IQCN: variants seen among roughly 807,000 people sequenced by gnomAD.
IQCN encodes IQ domain-containing protein N.
A neutral mutation model predicts 64.4 loss-of-function variants in IQCN; 46 were observed. The ratio of observed to expected loss-of-function variants is 0.71; its 90% CI spans 0.56 to 0.91. IQCN has a LOEUF of 0.91. IQCN is among the 40% of genes least tolerant of loss of function. IQCN has a pLI of 0.00. For synonymous variants in IQCN, 733 were observed against 775.6 expected, an observed-to-expected ratio of 0.95 and a Z score of 0.91; for missense variants, 1,753 against 1,857.4, an observed-to-expected ratio of 0.94 and a Z score of 1.03.
At chr19:18,258,399 T>G (rs995843044) in intron 3 of IQCN, 2 of 650,096 alleles carry the variant, frequency 3.1e-6, no homozygotes, top group Non-Finnish European at 2.9e-6. Context: ...TTGCACATAC[T>G]GTAAGGGCCT....
chr19:18,271,518 T>C (rs1969735744), intron 1 of IQCN, among the ~76,000 whole-genome samples: 1 of 150,426 alleles, frequency 6.6e-6, no homozygotes, highest in Non-Finnish European at 1.5e-5. Context: ...ACTTTAGGGC[T>C]GAGGGAGTAT....
At position 18,264,700 on chromosome 19, in the gene IQCN, C is replaced by T. The variant is rs371100161; in HGVS notation, c.2840G>A (p.Arg947His). 2.9e-5 allele frequency: 45 copies of T among 1,551,206 alleles called. No individual in the cohort carries two copies. Among genetic ancestry groups the T allele is most frequent in the African/African-American group, 2.5e-4 (18 of 73,182 alleles). Residue 947 changes from arginine to histidine, a missense_variant, in exon 3 of 4, where the codon CGC becomes CAC. Coordinates refer to ENST00000392413, the MANE Select transcript of IQCN (RefSeq NM_001145304.2). This position sits in a 1 kb window ranked among gnomAD's most constrained non-coding sequence, Gnocchi z 4.3. ...LVKALSWSEL[R>H]LTLSRALSRG... ...GGACAGGGCTCGGGACAGGGTCAGG[C>T]GCAGCTCACTCCAGGACAGCGCCTT...
In IQCN at chr19:18,264,240, G is replaced by C. The variant is rs1263277845; in HGVS notation, c.3177+123C>G. The C allele has an allele frequency of 2.3e-6, 2 of 856,842 alleles. No homozygotes were observed. The highest frequency in any genetic ancestry group is 3.4e-5 in the African/African-American group (2 of 58,634). 53.1% of individuals were successfully genotyped at this position (856,842 alleles called of 1,614,324 possible). ...GCTACCCATCACCGAGGCTCCCACAGTGACCACAGATAAGCAGGGTGACCC... is the reference window on the plus strand; with the variant it reads ...GCTACCCATCACCGAGGCTCCCACACTGACCACAGATAAGCAGGGTGACCC... On this transcript the variant is annotated intron_variant, in intron 3 of 3. Transcript: ENST00000392413. The surrounding 1 kb of genome is among the most constrained non-coding windows in gnomAD (Gnocchi z 4.3).
In IQCN at chr19:18,265,137, G is replaced by T. The variant is rs1449221120; in HGVS notation, c.2403C>A (p.Asp801Glu). 1 of 1,606,450 alleles carries T rather than the reference G, an allele frequency of 6.2e-7. No homozygotes were observed. The highest frequency in any genetic ancestry group is 1.1e-5 in the South Asian group (1 of 91,066). The stretch of plus-strand genomic sequence containing the variant: ...CGTGGGGCTGTGGCTGGGTCTGTCT[G>T]TCCTCTGGCTTGGCCCAGGGTGGGG... ...LSAPPWAKPE[D>E]RQTQPQPHGH... The change falls in exon 3 of 4, where the codon GAC (aspartate) becomes GAA (glutamate). Residue 801 changes from aspartate to glutamate, a missense_variant. Transcript: ENST00000392413. This position sits in a 1 kb window ranked among gnomAD's most constrained non-coding sequence, Gnocchi z 4.7.
chr19:18,269,488 GGA>G lies in IQCN; in HGVS notation c.-12_-11del. On this transcript the variant is annotated 5_prime_UTR_variant, in exon 2 of 4. Coordinates refer to ENST00000392413, the MANE Select transcript of IQCN (RefSeq NM_001145304.2). ...TACCTTGAAGGGTCATAGATTTGGA[GGA>G]GTAGCAGGAGAAGAAGGTGCAATCT... 6.2e-7 allele frequency: 1 copy of G among 1,613,962 alleles called. No homozygotes were observed. Among genetic ancestry groups the G allele is most frequent in the African/African-American group, 1.3e-5 (1 of 75,022 alleles).
At position 18,264,279 on chromosome 19, in the gene IQCN, C is replaced by G; in HGVS notation, c.3177+84G>C. 8.4e-7 allele frequency: 1 copy of G among 1,191,654 alleles called. No individual in the cohort carries two copies. The highest frequency in any genetic ancestry group is 1.1e-6 in the Non-Finnish European group (1 of 877,872). 73.8% of individuals were successfully genotyped at this position (1,191,654 alleles called of 1,614,324 possible). A position where few individuals can be genotyped will look rare whatever the true frequency, so the allele number is the denominator to read the frequency against. ...GCAGGGTGACCCCCACAAGATGGCC[C>G]CATCAATCCCCCATCTCCTCCAAGG... On this transcript the variant is annotated intron_variant, in intron 3 of 3. Transcript: ENST00000392413. This position sits in a 1 kb window ranked among gnomAD's most constrained non-coding sequence, Gnocchi z 4.3.
Position 18,267,125 on chromosome 19 carries a change from G to A in IQCN, c.415C>T (p.Arg139Cys), listed in dbSNP as rs199691381. ...TGAAGGATGTGTCTCTTGTTGAAGCGCCGCCAGGCCTCCTGGATGGCCTTG... is the reference window on the plus strand; with the variant it reads ...TGAAGGATGTGTCTCTTGTTGAAGCACCGCCAGGCCTCCTGGATGGCCTTG... Reference protein sequence around the residue: ...AAKAIQEAWRRFNKRHILHSS... With the variant: ...AAKAIQEAWRCFNKRHILHSS... The change falls in exon 3 of 4, where the codon CGC becomes TGC. Residue 139 changes from arginine to cysteine, a missense_variant. Arg to Cys is a radical substitution (Grantham distance 180). Transcript: ENST00000392413. The A allele has an allele frequency of 5.4e-5, 87 of 1,614,230 alleles. No homozygotes were observed. Among genetic ancestry groups the A allele is most frequent in the Middle Eastern group, 3.3e-4 (2 of 6,062 alleles).
At chr19:18,259,776 G>C (rs1174409691) in intron 3 of IQCN, 1 of 152,362 alleles carries the variant, frequency 6.6e-6, no homozygotes, top group Non-Finnish European at 1.5e-5. Flanking sequence ...GCTGTTCAGG[G>C]AAAGATTAGA....
intron 2 of IQCN, 55 bp downstream of exon 2, chr19:18,269,411 C>G (rs1969683966): frequency 6.3e-7 from 1 of 1,581,816 alleles, no homozygotes; most frequent in Non-Finnish European, 8.7e-7. Flanking sequence ...TTGGCAGAAG[C>G]CCCTCTCTTC....
intron 2 of IQCN, chr19:18,267,761 C>T: frequency 2.5e-6 from 1 of 403,780 alleles, no homozygotes; most frequent in Non-Finnish European, 4.3e-6. Context: ...CCTGAATGCC[C>T]GACCACTTAC....
In IQCN at chr19:18,258,209, T is replaced by A. The variant is rs759296088; in HGVS notation, c.3178-103A>T. Reference sequence around the variant, plus strand: ...ACGGTGACTCCTGGTTAAAAAGGGGTGGCAGGGAACCACTTGGGGAAGACT... The same window carrying A: ...ACGGTGACTCCTGGTTAAAAAGGGGAGGCAGGGAACCACTTGGGGAAGACT... On this transcript the variant is annotated intron_variant, in intron 3 of 3. Transcript: ENST00000392413. The A allele has an allele frequency of 3.8e-6, 5 of 1,321,306 alleles. No homozygotes were observed. The Admixed American group carries it at 8.9e-5, about 23-fold the overall frequency. 81.8% of individuals were successfully genotyped at this position (1,321,306 alleles called of 1,614,324 possible).
Position 18,266,382 on chromosome 19 carries a change from T to G in IQCN, c.1158A>C (p.Thr386=). 6.2e-7 allele frequency: 1 copy of G among 1,605,158 alleles called. No individual in the cohort carries two copies. The highest frequency in any genetic ancestry group is 8.5e-7 in the Non-Finnish European group (1 of 1,176,174). Residue 386 remains threonine (T), a synonymous_variant, in exon 3 of 4, where the codon ACA becomes ACC. Transcript: ENST00000392413. The surrounding 1 kb of genome is among the most constrained non-coding windows in gnomAD (Gnocchi z 4.3). ...ATGTGTGAGGTGCAGTTTTGGTCAC[T>G]GTGGGCCCCGGATACATCTGGGCTG... ...KTPAQMYPGP[T]VTKTAPHTCP...
intron 3 of IQCN, among the ~76,000 whole-genome samples, chr19:18,263,455 G>T (rs982114843): frequency 2.0e-5 from 3 of 152,202 alleles, no homozygotes; most frequent in Non-Finnish European, 4.4e-5. Context: ...CCCTGTGTTC[G>T]ATTCCTCCCC....
At chr19:18,263,965 G>T (rs1276062436) in intron 3 of IQCN, among the ~76,000 whole-genome samples, 2 of 152,172 alleles carry the variant, frequency 1.3e-5, no homozygotes, top group Non-Finnish European at 2.9e-5. Context: ...TTGGCAATGA[G>T]AGGCTGCCAC....
Position 18,264,993 on chromosome 19 carries a change from C to T in IQCN, c.2547G>A (p.Trp849Ter). ...TGHSTCNVES[W>*]GDNGATRAQP... The stretch of plus-strand genomic sequence containing the variant: ...GGGCACGTGTGGCTCCGTTGTCTCC[C>T]CAGGACTCAACGTTGCATGTGGAAT... The change falls in exon 3 of 4, where the codon TGG (tryptophan) becomes TGA (stop). Residue 849 changes from tryptophan (W) to a stop codon, truncating the protein, a stop_gained. Coordinates refer to ENST00000392413, the MANE Select transcript of IQCN (RefSeq NM_001145304.2). LOFTEE classifies it high-confidence loss of function. This position sits in a 1 kb window ranked among gnomAD's most constrained non-coding sequence, Gnocchi z 4.3. 7 of 1,606,254 alleles carry T rather than the reference C, an allele frequency of 4.4e-6. No homozygotes were observed. Among genetic ancestry groups the T allele is most frequent in the Non-Finnish European group, 5.9e-6 (7 of 1,179,866 alleles).
intron 2 of IQCN, among the ~76,000 whole-genome samples, chr19:18,269,107 G>C (rs1030896156): frequency 6.6e-6 from 1 of 151,758 alleles, no homozygotes; most frequent in Non-Finnish European, 1.5e-5. Context: ...TCCAGCCTGG[G>C]CAACAGAAGT....
Position 18,265,972 on chromosome 19 carries a change from G to T in IQCN, c.1568C>A (p.Pro523Gln). Reference protein sequence around the residue: ...TILKTLCLASPTVANVKAPPQ... With the variant: ...TILKTLCLASQTVANVKAPPQ... Reference sequence around the variant, plus strand: ...TGGAGCCTTGACATTTGCCACTGTTGGAGAGGCCAGACACAGAGTCTTGAG... The same window carrying T: ...TGGAGCCTTGACATTTGCCACTGTTTGAGAGGCCAGACACAGAGTCTTGAG... Residue 523 changes from proline to glutamine, a missense_variant, in exon 3 of 4, where the codon CCA (proline) becomes CAA (glutamine). Physicochemically the swap from Pro to Gln is moderately conservative, Grantham distance 76. Coordinates refer to ENST00000392413, the MANE Select transcript of IQCN (RefSeq NM_001145304.2). The surrounding 1 kb of genome is among the most constrained non-coding windows in gnomAD (Gnocchi z 4.7). The T allele has an allele frequency of 6.2e-7, 1 of 1,614,172 alleles. No homozygotes were observed. The highest frequency in any genetic ancestry group is 8.5e-7 in the Non-Finnish European group (1 of 1,180,024).
In IQCN at chr19:18,269,464, A is replaced by G. The variant is rs1969686245; in HGVS notation, c.13+2T>C. The G allele has an allele frequency of 6.2e-7, 1 of 1,613,932 alleles. No individual in the cohort carries two copies. Among genetic ancestry groups the G allele is most frequent in the African/African-American group, 1.3e-5 (1 of 75,010 alleles). ...CCCCTTGCCCATAGACCATCTTCTT[A>G]CCTTGAAGGGTCATAGATTTGGAGG... On this transcript the variant is annotated splice_donor_variant, in intron 2 of 3. Transcript: ENST00000392413. LOFTEE classifies it high-confidence loss of function.
intron 1 of IQCN, 85 bp from the exon 2 acceptor site, chr19:18,269,672 T>TAAA: frequency 1.8e-5 from 7 of 382,626 alleles, no homozygotes; most frequent in South Asian, 1.1e-4. Context: ...AGCTAAATTC[T>TAAA]AAAAAAAAAA....
Sources: gnomAD v4.1 joint callset for allele counts (sites outside exome capture counted in the v4.1 genomes callset) on GRCh38, gnomAD v4.1.1 for gene constraint, Gnocchi (gnomAD v3.1) non-coding constraint, MANE v1.5 for transcripts, NCBI Gene and HGNC (gene_info 2026-07-23, HGNC 2026-07-21) for gene names.